The following VANGL1 variants were observed in gnomAD, a reference collection of about 807,000 sequenced individuals.
VANGL1 encodes the protein VANGL planar cell polarity protein 1.
VANGL1 carries 18 observed loss-of-function variants against 48.4 expected under a neutral mutation model. That is an observed-to-expected ratio of 0.37 (90% CI 0.26 to 0.55). The LOEUF is 0.55. VANGL1 is among the 20% of genes least tolerant of loss of function. The pLI, the probability that VANGL1 is intolerant of heterozygous loss-of-function variation, is 0.81. For synonymous variants in VANGL1, 257 were observed against 261.8 expected (o/e 0.98, Z 0.18); for missense variants, 667 against 675.8 (o/e 0.99, Z 0.14).
chr1:115,655,156 G>T (rs956424703), intron 2 of VANGL1, among the ~76,000 whole-genome samples: 1 of 152,338 alleles, frequency 6.6e-6, no homozygotes, highest in Admixed American at 6.5e-5. Flanking sequence ...GAAGCAGCCA[G>T]CCGGGCCCCA....
intron 1 of VANGL1, among the ~76,000 whole-genome samples, chr1:115,643,136 C>G (rs1045458482): frequency 1.3e-5 from 2 of 152,172 alleles, no homozygotes; most frequent in African/African-American, 4.8e-5. Flanking sequence ...AAACTCTTGA[C>G]CTGGCTTTGG....
At chr1:115,681,503 G>GTTTTTTTTTTTTTT (rs368388367) in intron 4 of VANGL1, among the ~76,000 whole-genome samples, 1 of 114,880 alleles carries the variant, frequency 8.7e-6, no homozygotes, top group Non-Finnish European at 1.8e-5. Context: ...TTTTTTTGTT[G>GTTTTTTTTTTTTTT]TTTTTTTTGT....
At chr1:115,671,783 G>A (rs1161609078) in intron 4 of VANGL1, among the ~76,000 whole-genome samples, 1 of 152,204 alleles carries the variant, frequency 6.6e-6, no homozygotes, top group East Asian at 1.9e-4. Flanking sequence ...CTGTGGCAGA[G>A]CCAAGCCCCT....
Position 115,670,022 on chromosome 1 carries a change from T to C in VANGL1, c.812+5754T>C, listed in dbSNP as rs550776132. Among the ~76,000 whole-genome samples the C allele has an allele frequency of 5.7e-4, 87 of 152,130 alleles. 1 individual carries two copies. Among genetic ancestry groups the C allele is most frequent in the Non-Finnish European group, 2.8e-4 (19 of 68,034 alleles). ...GGAGATGGAGCCCCTAAGGAAGTAA[T>C]TGAGGTTAAATGTAGTCATAGTGTG... is the stretch of plus-strand genomic sequence containing the variant. On this transcript the variant is annotated intron_variant, in intron 4 of 7. Coordinates refer to ENST00000355485, the MANE Select transcript of VANGL1 (RefSeq NM_138959.3).
At chr1:115,662,502 A>G (rs934446832) in intron 3 of VANGL1, among the ~76,000 whole-genome samples, 1 of 152,184 alleles carries the variant, frequency 6.6e-6, no homozygotes, top group Non-Finnish European at 1.5e-5. Context: ...AATTCTATCA[A>G]CTGGGTTTTG....
intron 5 of VANGL1, among the ~76,000 whole-genome samples, chr1:115,683,222 A>G (rs1045905132): frequency 2.0e-5 from 3 of 152,166 alleles, no homozygotes; most frequent in Admixed American, 2.0e-4. Flanking sequence ...GATAAATTTC[A>G]CCTGTGATCT....
At chr1:115,654,985 C>A (rs935047380) in intron 2 of VANGL1, among the ~76,000 whole-genome samples, 1 of 152,204 alleles carries the variant, frequency 6.6e-6, no homozygotes, top group Non-Finnish European at 1.5e-5. Context: ...AGAAATGCTA[C>A]TTTAGGAAAG....
intron 7 of VANGL1, among the ~76,000 whole-genome samples, chr1:115,686,302 G>A (rs1653613851): frequency 6.9e-6 from 1 of 145,768 alleles, no homozygotes; most frequent in African/African-American, 2.6e-5. Flanking sequence ...AACCCAGGAG[G>A]CAGAGCTTGC....
In VANGL1 at chr1:115,659,646, G is replaced by A. The variant is rs143990097; in HGVS notation, c.77G>A (p.Arg26Lys). 69 of 1,613,916 alleles carry A rather than the reference G, an allele frequency of 4.3e-5. No individual in the cohort carries two copies. The highest frequency in any genetic ancestry group is 5.4e-5 in the Non-Finnish European group (64 of 1,180,016). ...HSKKSHRQGERTRERHKSPRN... is the reference protein window; with the variant it reads ...HSKKSHRQGEKTRERHKSPRN... ...AGCTCATTGTTGTTTTTCAGGGAAAGAACTAGAGAGAGACACAAGTCACCC... is the reference window on the plus strand; with the variant it reads ...AGCTCATTGTTGTTTTTCAGGGAAAAAACTAGAGAGAGACACAAGTCACCC... The change falls in exon 3 of 8, where the codon AGA becomes AAA. Residue 26 changes from arginine (R) to lysine (K), a missense_variant. Transcript: ENST00000355485.
chr1:115,690,036 A>C (rs1653773921), intron 7 of VANGL1, among the ~76,000 whole-genome samples: 2 of 139,062 alleles, frequency 1.4e-5, no homozygotes, highest in South Asian at 4.8e-4. Context: ...TTACTGGCTC[A>C]TTTCATTCTT....
chr1:115,662,793 T>C (rs1048445635), intron 3 of VANGL1, among the ~76,000 whole-genome samples: 73 of 151,640 alleles, frequency 4.8e-4, no homozygotes, highest in African/African-American at 1.6e-3. Context: ...GAGATTTTTT[T>C]TTTTTTTTTT....
rs755185734 is a variant in VANGL1 at position 115,691,275 on chromosome 1, G to T, written c.1471G>T (p.Val491Leu). 3.1e-6 allele frequency: 5 copies of T among 1,613,956 alleles called. No individual in the cohort carries two copies. Among genetic ancestry groups the T allele is most frequent in the Non-Finnish European group, 4.2e-6 (5 of 1,180,036 alleles). ...FVLKCLDFSL[V>L]VNVKKIPFII... ...CCTTAAGTGCTTGGACTTCAGCCTC[G>T]TAGTCAATGTGAAGAAAATTCCATT... The change falls in exon 8 of 8, where the codon GTA becomes TTA. Residue 491 changes from valine to leucine, a missense_variant. Transcript: ENST00000355485.
rs557599497 is a variant in VANGL1 at position 115,692,777 on chromosome 1, A to T, written c.*1398A>T. Reference sequence around the variant, plus strand: ...GAGCTCCTTCAGGAGCCCCATCCGGACCTCTTGCACTGGGCTGCCTTTGCC... The same window carrying T: ...GAGCTCCTTCAGGAGCCCCATCCGGTCCTCTTGCACTGGGCTGCCTTTGCC... On this transcript the variant is annotated 3_prime_UTR_variant, in exon 8 of 8. Coordinates refer to ENST00000355485, the MANE Select transcript of VANGL1 (RefSeq NM_138959.3). 8.5e-5 allele frequency: 13 copies of T among 152,230 alleles called. No homozygotes were observed. Among genetic ancestry groups the T allele is most frequent in the African/African-American group, 3.1e-4 (13 of 41,526 alleles). 9.4% of individuals were successfully genotyped at this position (152,230 alleles called of 1,614,324 possible).
chr1:115,664,053 C>T lies in VANGL1; in HGVS notation c.597C>T (p.Ser199=), dbSNP rs1319641917. ...LLVLIFLFVV[S]YWLFYGVRIL... ...TCCTCATCTTTCTCTTTGTGGTTTC[C>T]TATTGGCTTTTTTACGGGGTCCGCA... is the stretch of plus-strand genomic sequence containing the variant. Residue 199 remains serine, a synonymous_variant, in exon 4 of 8, where the codon TCC becomes TCT. Transcript: ENST00000355485. 6 of 1,613,974 alleles carry T rather than the reference C, an allele frequency of 3.7e-6. No individual in the cohort carries two copies. In the African/African-American group the frequency reaches 8.0e-5, roughly 22 times the overall value.
Position 115,681,503 on chromosome 1 carries a change from G to GTTGT in VANGL1, c.813-859_813-858insGTTT, listed in dbSNP as rs1553189431. Among the ~76,000 whole-genome samples the GTTGT allele has an allele frequency of 1.8e-3, 211 of 114,870 alleles. 12 individuals carry two copies. Among genetic ancestry groups the GTTGT allele is most frequent in the Middle Eastern group, 5.3e-3 (1 of 188 alleles). 75.4% of individuals were successfully genotyped at this position (114,870 alleles called of 152,430 possible). ...CAGCGGAGGCTCTCTTTTTTTTGTTGTTTTTTTTGTTTTTTTTTTTGAGAC... is the reference window on the plus strand; with the variant it reads ...CAGCGGAGGCTCTCTTTTTTTTGTTGTTGTTTTTTTTTGTTTTTTTTTTTGAGAC... On this transcript the variant is annotated intron_variant, in intron 4 of 7. Transcript: ENST00000355485.
intron 2 of VANGL1, among the ~76,000 whole-genome samples, chr1:115,656,677 G>C (rs1156263880): frequency 1.3e-5 from 2 of 152,236 alleles, no homozygotes; most frequent in Non-Finnish European, 2.9e-5. Flanking sequence ...ATTGTTGGTT[G>C]TTTCACATTT....
chr1:115,657,996 G>C (rs1242715911), intron 2 of VANGL1, among the ~76,000 whole-genome samples: 1 of 152,152 alleles, frequency 6.6e-6, no homozygotes, highest in African/African-American at 2.4e-5. Flanking sequence ...AAGCCATGAG[G>C]GGTCTGTCCC....
rs535526276 is a variant in VANGL1, at chr1:115,668,093, C to T, written c.812+3825C>T. ...TCCTTTTCAGATGAGCAAACCGAGGCGTGGGAGAGTTAGGTAAGTCTAAGG... is the reference window on the plus strand; with the variant it reads ...TCCTTTTCAGATGAGCAAACCGAGGTGTGGGAGAGTTAGGTAAGTCTAAGG... On this transcript the variant is annotated intron_variant, in intron 4 of 7. Transcript: ENST00000355485. Among the ~76,000 whole-genome samples, 7 of 152,280 alleles carry T rather than the reference C, an allele frequency of 4.6e-5. No individual in the cohort carries two copies. The East Asian group carries it at 9.7e-4, about 21-fold the overall frequency.
intron 1 of VANGL1, among the ~76,000 whole-genome samples, chr1:115,650,662 T>G (rs902692735): frequency 3.3e-5 from 5 of 152,182 alleles, no homozygotes; most frequent in Non-Finnish European, 7.3e-5. Flanking sequence ...GTGATACTTT[T>G]CTGGTGGATG....
Sources: allele counts gnomAD v4.1 joint callset (sites outside exome capture counted in the v4.1 genomes callset), GRCh38; gene constraint gnomAD v4.1.1; transcripts MANE v1.5; gene names NCBI Gene and HGNC (gene_info 2026-07-23, HGNC 2026-07-21).